YAP1: variants seen among roughly 807,000 people sequenced by gnomAD.
YAP1 encodes transcriptional coactivator YAP1.
A neutral mutation model predicts 56.9 loss-of-function variants in YAP1; 5 were observed. The observed-to-expected ratio is 0.09, with a 90% CI of 0.05 to 0.18. The LOEUF (loss-of-function observed/expected upper bound fraction) is 0.18. Among genes scored for constraint, YAP1 ranks in the 10% least tolerant of loss-of-function variants. The probability of loss-of-function intolerance (pLI) is 1.00; values close to 1 mark genes in which losing one functional copy is unlikely to be tolerated. For synonymous variants in YAP1, 265 were observed against 248.1 expected (o/e 1.07, Z -0.64); for missense variants, 539 against 651.8 (o/e 0.83, Z 1.88).
At chr11:102,166,101 G>T (rs539519393) in intron 3 of YAP1, among the ~76,000 whole-genome samples, 1 of 152,142 alleles carries the variant, frequency 6.6e-6, no homozygotes, top group Non-Finnish European at 1.5e-5. Flanking sequence ...TAAAACATCC[G>T]CAACACATCG....
chr11:102,178,837 G>A (rs1226348215), intron 3 of YAP1, among the ~76,000 whole-genome samples: 2 of 152,180 alleles, frequency 1.3e-5, no homozygotes, highest in Non-Finnish European at 2.9e-5. Context: ...AGGCTGTACA[G>A]GAAGCATGGT....
At chr11:102,197,795 C>T (rs1288425950) in intron 4 of YAP1, among the ~76,000 whole-genome samples, 2 of 152,088 alleles carry the variant, frequency 1.3e-5, no homozygotes. Context: ...TAGTTGATAG[C>T]CAGAGGAAGA....
chr11:102,169,016 G>C (rs1003799613), intron 3 of YAP1, among the ~76,000 whole-genome samples: 1 of 152,146 alleles, frequency 6.6e-6, no homozygotes, highest in Non-Finnish European at 1.5e-5. Context: ...CTTTGAAACT[G>C]AGAGACAGTT....
intron 2 of YAP1, among the ~76,000 whole-genome samples, chr11:102,153,258 T>C (rs1253082605): frequency 1.3e-5 from 2 of 152,140 alleles, no homozygotes; most frequent in Non-Finnish European, 1.5e-5. Flanking sequence ...CATATGTCAG[T>C]TTTGAGCAAT....
rs149159308 is a variant in YAP1, at chr11:102,205,024, A to G, written c.803-869A>G. ...TTATTATTCTTACTAACATTTTCAC[A>G]TAAAACTTCCCTCTGCTCACTGAGG... is the stretch of plus-strand genomic sequence containing the variant. On this transcript the variant is annotated intron_variant, in intron 4 of 8. Transcript: ENST00000282441. Among the ~76,000 whole-genome samples, 61 of 152,312 alleles carry G rather than the reference A, an allele frequency of 4.0e-4. 1 individual carries two copies. The East Asian group carries it at 9.1e-3, about 23-fold the overall frequency.
intron 3 of YAP1, among the ~76,000 whole-genome samples, chr11:102,180,837 C>A (rs769363957): frequency 1.3e-5 from 2 of 151,724 alleles, no homozygotes; most frequent in African/African-American, 4.8e-5. Flanking sequence ...AAAAATGTTT[C>A]GAAGCTAAAT....
chr11:102,138,398 G>A (rs929438725), intron 2 of YAP1, among the ~76,000 whole-genome samples: 8 of 152,146 alleles, frequency 5.3e-5, no homozygotes, highest in Admixed American at 5.2e-4. Context: ...TCAAATGTCT[G>A]GTGCCAGCTC....
At chr11:102,167,776 G>A (rs1017505537) in intron 3 of YAP1, among the ~76,000 whole-genome samples, 1 of 152,190 alleles carries the variant, frequency 6.6e-6, no homozygotes, top group African/African-American at 2.4e-5. Context: ...GGTCGTTCAT[G>A]CCTATAATCC....
At position 102,114,270 on chromosome 11, in the gene YAP1, G is replaced by C. The variant is rs779247242; in HGVS notation, c.448G>C (p.Gly150Arg). ...GTLTPTGVVS[G>R]PAATPTAQHL... The stretch of plus-strand genomic sequence containing the variant: ...ACTGACCCCCACTGGAGTAGTCTCT[G>C]GCCCAGCAGCTACACCCACAGCTCA... Residue 150 changes from glycine (G) to arginine (R), a missense_variant, in exon 2 of 9, where the codon GGC becomes CGC. Physicochemically the swap from Gly to Arg is moderately radical, Grantham distance 125. Coordinates refer to ENST00000282441, the MANE Select transcript of YAP1 (RefSeq NM_001130145.3). The C allele has an allele frequency of 2.0e-5, 32 of 1,614,124 alleles. No homozygotes were observed. In the South Asian group the frequency reaches 3.4e-4, roughly 17 times the overall value.
intron 3 of YAP1, among the ~76,000 whole-genome samples, chr11:102,182,697 G>A (rs752077329): frequency 1.3e-5 from 2 of 152,204 alleles, no homozygotes; most frequent in Non-Finnish European, 2.9e-5. Context: ...CAAAGATAGT[G>A]TGGTGAAAAG....
At chr11:102,116,920 T>C (rs184658726) in intron 2 of YAP1, among the ~76,000 whole-genome samples, 1 of 152,266 alleles carries the variant, frequency 6.6e-6, no homozygotes, top group African/African-American at 2.4e-5. Flanking sequence ...CCCCTAAACA[T>C]TGGATGTGGG....
chr11:102,150,713 A>G (rs889518132), intron 2 of YAP1, among the ~76,000 whole-genome samples: 2 of 151,874 alleles, frequency 1.3e-5, no homozygotes, highest in African/African-American at 2.4e-5. Flanking sequence ...TGTTAAAAAT[A>G]TATTGTCATA....
At chr11:102,116,365 C>G (rs115753785) in intron 2 of YAP1, among the ~76,000 whole-genome samples, 2,973 of 152,234 alleles carry the variant, frequency 0.02, 89 homozygotes, top group African/African-American at 0.065. Context: ...AGACCAGAGC[C>G]TCTGTGGATT....
intron 2 of YAP1, among the ~76,000 whole-genome samples, chr11:102,129,608 ACT>A (rs1167561547): frequency 9.7e-5 from 10 of 102,662 alleles, no homozygotes; most frequent in Non-Finnish European, 1.8e-4. Flanking sequence ...ACAGAGCGAG[ACT>A]CTGTCTCCAA....
intron 2 of YAP1, among the ~76,000 whole-genome samples, chr11:102,123,349 C>T (rs1943805056): frequency 6.6e-6 from 1 of 152,146 alleles, no homozygotes; most frequent in Admixed American, 6.5e-5. Context: ...CTTGTTGCTT[C>T]AGAGTTGTCA....
chr11:102,151,031 C>T (rs896720834), intron 2 of YAP1, among the ~76,000 whole-genome samples: 11 of 151,720 alleles, frequency 7.3e-5, no homozygotes, highest in African/African-American at 2.7e-4. Context: ...AAATGCCTGA[C>T]CCCGTGGTTG....
chr11:102,227,386 T>A, intron 7 of YAP1, 83 bp from the exon 8 acceptor site: 1 of 896,112 alleles, frequency 1.1e-6, no homozygotes, highest in South Asian at 1.5e-5. Flanking sequence ...AGAATTATGT[T>A]GCTGCTCAGC....
intron 2 of YAP1, among the ~76,000 whole-genome samples, chr11:102,125,040 ATT>A (rs746473496): frequency 4.9e-5 from 7 of 141,842 alleles, no homozygotes; most frequent in Non-Finnish European, 6.2e-5. Flanking sequence ...GCCTAGCCAG[ATT>A]TTTTTTTTTT....
chr11:102,179,575 CAT>C (rs1440048666), intron 3 of YAP1, among the ~76,000 whole-genome samples: 1 of 152,182 alleles, frequency 6.6e-6, no homozygotes, highest in Non-Finnish European at 1.5e-5. Flanking sequence ...CGGAATGTCA[CAT>C]GTTTGGCTAG....
Sources: allele counts gnomAD v4.1 joint callset (sites outside exome capture counted in the v4.1 genomes callset), GRCh38; gene constraint gnomAD v4.1.1; transcripts MANE v1.5; gene names NCBI Gene and HGNC (gene_info 2026-07-23, HGNC 2026-07-21).